Variants in HABP2 observed in about 807,000 individuals in gnomAD.
HABP2 encodes the protein hyaluronan binding protein 2, also known as factor VII-activating protease.
In HABP2, 65 loss-of-function variants were observed where a neutral mutation model predicts 66.5. The observed-to-expected ratio is 0.98, with a 90% CI of 0.80 to 1.20. The LOEUF is 1.20. HABP2 is among the 50% of genes most tolerant of loss of function. HABP2 has a pLI of 0.00. For synonymous variants in HABP2, 263 were observed against 253.9 expected (o/e 1.04, Z -0.34); for missense variants, 786 against 691.0 (o/e 1.14, Z -1.54).
rs145724543 is a variant in HABP2 at position 113,568,896 on chromosome 10, T to C, written c.106+1371T>C. 2.6e-5 allele frequency among the ~76,000 whole-genome samples: 4 copies of C among 152,138 alleles called. No homozygotes were observed. In the East Asian group the frequency reaches 7.7e-4, roughly 29 times the overall value. The stretch of plus-strand genomic sequence containing the variant: ...AGCTGCCAGAAAGTTGTAAGAGACA[T>C]CTACAGTGAGTTCATGACACCCTGG... On this transcript the variant is annotated intron_variant, in intron 2 of 12. Coordinates refer to ENST00000351270, the MANE Select transcript of HABP2 (RefSeq NM_004132.5).
At chr10:113,588,001 C>T (rs564079036) in intron 12 of HABP2, among the ~76,000 whole-genome samples, 19 of 152,146 alleles carry the variant, frequency 1.2e-4, no homozygotes, top group Admixed American at 2.6e-4. Flanking sequence ...GACTCAGGGA[C>T]GGAGGACACT....
chr10:113,584,195 A>C lies in HABP2; in HGVS notation c.1285A>C (p.Lys429Gln). 2 of 1,613,634 alleles carry C rather than the reference A, an allele frequency of 1.2e-6. No homozygotes were observed. The highest frequency in any genetic ancestry group is 1.7e-6 in the Non-Finnish European group (2 of 1,179,502). ...PVDGHCALES[K>Q]YVKTVCLPDG... ...GGATGGTCACTGTGCTCTAGAATCCAAATACGTGAAGACTGTGTGCTTGCC... is the reference window on the plus strand; with the variant it reads ...GGATGGTCACTGTGCTCTAGAATCCCAATACGTGAAGACTGTGTGCTTGCC... The change falls in exon 11 of 13, where the codon AAA (lysine) becomes CAA (glutamine). Residue 429 changes from lysine to glutamine, a missense_variant. Transcript: ENST00000351270.
At chr10:113,578,184 C>T (rs1158350774) in intron 6 of HABP2, 39 bp downstream of exon 6, 18 of 1,603,046 alleles carry the variant, frequency 1.1e-5, no homozygotes, top group Non-Finnish European at 1.5e-5. Context: ...CAAGTGAGGC[C>T]TCTGGAACCC....
At chr10:113,588,166 T>C (rs1281957977) in intron 12 of HABP2, 39 bp from the exon 13 acceptor site, 1 of 1,542,704 alleles carries the variant, frequency 6.5e-7, no homozygotes, top group Non-Finnish European at 8.8e-7. Flanking sequence ...CAGATGTCTC[T>C]GGTTCACGAG....
chr10:113,574,466 G>T, intron 3 of HABP2, 61 bp downstream of exon 3: 1 of 805,144 alleles, frequency 1.2e-6, no homozygotes, highest in Non-Finnish European at 2.2e-6. Context: ...AGTGTATGTG[G>T]GACCACATGC....
rs561257547 is a variant in HABP2 at position 113,575,707 on chromosome 10, C to A, written c.224-190C>A. Among the ~76,000 whole-genome samples the A allele has an allele frequency of 2.6e-5, 4 of 152,330 alleles. No homozygotes were observed. The South Asian group carries it at 8.3e-4, about 32-fold the overall frequency. Reference sequence around the variant, plus strand: ...TCCTCTCACTAACCTGAATCCCTCTCTCTGGTCAGGTGACTGCAGTTTTCC... The same window carrying A: ...TCCTCTCACTAACCTGAATCCCTCTATCTGGTCAGGTGACTGCAGTTTTCC... On this transcript the variant is annotated intron_variant, in intron 3 of 12. Coordinates refer to ENST00000351270, the MANE Select transcript of HABP2 (RefSeq NM_004132.5).
At chr10:113,558,728 G>A (rs529427732) in intron 1 of HABP2, among the ~76,000 whole-genome samples, 4 of 152,342 alleles carry the variant, frequency 2.6e-5, no homozygotes, top group South Asian at 4.1e-4. Flanking sequence ...GCCTAGCGGG[G>A]GAGTTACCTT....
chr10:113,582,062 C>T lies in HABP2; in HGVS notation c.1025C>T (p.Pro342Leu). 2 of 1,613,448 alleles carry T rather than the reference C, an allele frequency of 1.2e-6. No homozygotes were observed. The highest frequency in any genetic ancestry group is 8.5e-7 in the Non-Finnish European group (1 of 1,179,976). ...TCGCTGCCTCTGACCATCTCCATGC[C>T]CCAGGGCCACTTCTGTGGTGGGGCG... ...QSSLPLTISM[P>L]QGHFCGGALI... The change falls in exon 9 of 13, where the codon CCC (proline) becomes CTC (leucine). Residue 342 changes from proline to leucine, a missense_variant. By Grantham distance (98) the Pro-to-Leu change is moderately conservative. Transcript: ENST00000351270.
intron 3 of HABP2, among the ~76,000 whole-genome samples, chr10:113,574,685 A>T (rs1236027931): frequency 6.6e-6 from 1 of 152,226 alleles, no homozygotes; most frequent in Non-Finnish European, 1.5e-5. Context: ...AAGTTAATGC[A>T]GCATTGTCCA....
intron 1 of HABP2, among the ~76,000 whole-genome samples, chr10:113,553,565 GAC>G (rs1196897672): frequency 2.0e-5 from 3 of 152,236 alleles, no homozygotes; most frequent in African/African-American, 7.2e-5. Flanking sequence ...TATTGGTGCT[GAC>G]ACACACAGTT....
In HABP2 at chr10:113,574,927, T is replaced by TTGTG. The variant is rs999968890; in HGVS notation, c.223+530_223+533dup. ...TTAGAAGCTTTCCACAATTGTTAGA[T>TTGTG]TGTGTGTGTGTATGTGTGCATATGT... On this transcript the variant is annotated intron_variant, in intron 3 of 12. Transcript: ENST00000351270. Among the ~76,000 whole-genome samples the TTGTG allele has an allele frequency of 1.4e-3, 217 of 151,946 alleles. 1 individual carries two copies. The highest frequency in any genetic ancestry group is 4.9e-3 in the African/African-American group (203 of 41,470).
chr10:113,583,191 C>T (rs1008347219), intron 9 of HABP2, 25 bp from the exon 10 acceptor site: 2 of 1,612,084 alleles, frequency 1.2e-6, no homozygotes, highest in Admixed American at 3.3e-5. Flanking sequence ...CAGTGCCTTC[C>T]TGACCATCTC....
At position 113,560,360 on chromosome 10, in the gene HABP2, T is replaced by G. The variant is rs11575702; in HGVS notation, c.70-7129T>G. 9.3e-3 allele frequency among the ~76,000 whole-genome samples: 1,418 copies of G among 152,252 alleles called. 20 individuals are homozygous for G. The highest frequency in any genetic ancestry group is 0.033 in the African/African-American group (1,361 of 41,546). On this transcript the variant is annotated intron_variant, in intron 1 of 12. Transcript: ENST00000351270. ...TTAGGATGGCTATCATTTTCGAGAA[T>G]GGGGAATAACAAGTGTGGGTGAGAA...
In HABP2 at chr10:113,589,126, C is replaced by G. The variant is rs564594821; in HGVS notation, c.*757C>G. ...CAAGTTAAAATGAAGCTCCCCCACCCCCACTCCCGGCCCCGGTTCCCACAG... is the reference window on the plus strand; with the variant it reads ...CAAGTTAAAATGAAGCTCCCCCACCGCCACTCCCGGCCCCGGTTCCCACAG... On this transcript the variant is annotated 3_prime_UTR_variant, in exon 13 of 13. Coordinates refer to ENST00000351270, the MANE Select transcript of HABP2 (RefSeq NM_004132.5). 6 of 1,520,296 alleles carry G rather than the reference C, an allele frequency of 3.9e-6. No homozygotes were observed. Among genetic ancestry groups the G allele is most frequent in the Admixed American group, 3.4e-5 (2 of 59,526 alleles). 94.2% of individuals were successfully genotyped at this position (1,520,296 alleles called of 1,614,324 possible). A position where few individuals can be genotyped will look rare whatever the true frequency, so the allele number is the denominator to read the frequency against.
At chr10:113,587,119 A>G (rs1286174423) in intron 12 of HABP2, among the ~76,000 whole-genome samples, 1 of 152,226 alleles carries the variant, frequency 6.6e-6, no homozygotes, top group East Asian at 1.9e-4. Flanking sequence ...GTTCAAGATC[A>G]GCCTAGCCAA....
At chr10:113,578,282 T>C (rs1845451227) in intron 6 of HABP2, 137 bp downstream of exon 6, 1 of 956,802 alleles carries the variant, frequency 1.0e-6, no homozygotes, top group Admixed American at 2.2e-5. Flanking sequence ...CCTAAAGGGA[T>C]AGGGCGTGTC....
At chr10:113,574,503 C>T in intron 3 of HABP2, 98 bp downstream of exon 3, 1 of 669,146 alleles carries the variant, frequency 1.5e-6, no homozygotes, top group Admixed American at 2.4e-5. Flanking sequence ...GCCTCTCTGG[C>T]CAGTATTGTG....
chr10:113,579,164 T>C (rs1301027934), intron 7 of HABP2, among the ~76,000 whole-genome samples: 1 of 149,098 alleles, frequency 6.7e-6, no homozygotes, highest in African/African-American at 2.5e-5. Flanking sequence ...GAGGCTGAGA[T>C]GGGAGGATCA....
At chr10:113,567,774 A>G (rs923213641) in intron 2 of HABP2, among the ~76,000 whole-genome samples, 1 of 152,194 alleles carries the variant, frequency 6.6e-6, no homozygotes, top group Admixed American at 6.5e-5. Flanking sequence ...CTACGTACTT[A>G]AAACCCTTGA....
Sources: allele counts gnomAD v4.1 joint callset (sites outside exome capture counted in the v4.1 genomes callset), GRCh38; gene constraint gnomAD v4.1.1; transcripts MANE v1.5; gene names NCBI Gene and HGNC (gene_info 2026-07-23, HGNC 2026-07-21).